Variants in DAB1 observed in about 807,000 individuals in gnomAD.
DAB1 encodes disabled homolog 1.
Under a neutral mutation model 64.6 loss-of-function variants are expected in DAB1, and 15 were observed. That is an observed-to-expected ratio of 0.23 (90% CI 0.16 to 0.36). DAB1 has a LOEUF of 0.36. Among genes scored for constraint, DAB1 ranks in the 10% least tolerant of loss-of-function variants. The pLI is 1.00. For missense variants in DAB1, 596 were observed against 706.7 expected (o/e 0.84, Z 1.78); for synonymous variants, 235 against 251.9 (o/e 0.93, Z 0.64).
chr1:57,014,329 A>C (rs745397479), intron 12 of DAB1, among the ~76,000 whole-genome samples: 5 of 152,208 alleles, frequency 3.3e-5, no homozygotes, highest in Non-Finnish European at 7.3e-5. Context: ...TATAAAAGCT[A>C]TTTAAGACCT....
chr1:57,662,297 G>T (rs1646396386), intron 6 of DAB1, among the ~76,000 whole-genome samples: 1 of 152,194 alleles, frequency 6.6e-6, no homozygotes. Flanking sequence ...CCGGGTTCAA[G>T]TGATTCTCCT....
At chr1:58,219,884 T>C (rs559404572) in intron 4 of DAB1, among the ~76,000 whole-genome samples, 2 of 152,378 alleles carry the variant, frequency 1.3e-5, no homozygotes, top group African/African-American at 4.8e-5. Flanking sequence ...GCCAGGGCCA[T>C]GCCAGTGTCT....
At chr1:58,086,175 G>C (rs1370424046) in intron 5 of DAB1, among the ~76,000 whole-genome samples, 1 of 151,342 alleles carries the variant, frequency 6.6e-6, no homozygotes, top group Non-Finnish European at 1.5e-5. Flanking sequence ...GTTTTAGCCG[G>C]GATGGTCTCG....
chr1:57,523,940 GA>G (rs969610627), intron 7 of DAB1, among the ~76,000 whole-genome samples: 21 of 151,630 alleles, frequency 1.4e-4, no homozygotes, highest in Non-Finnish European at 4.4e-5. Context: ...AAAAGAAAAA[GA>G]AACAAAAAAG....
At chr1:58,007,489 T>C (rs1222599842) in intron 5 of DAB1, among the ~76,000 whole-genome samples, 1 of 152,216 alleles carries the variant, frequency 6.6e-6, no homozygotes, top group Non-Finnish European at 1.5e-5. Context: ...CAATAGAATT[T>C]GTTTAAGTTC....
intron 7 of DAB1, among the ~76,000 whole-genome samples, chr1:57,467,191 A>T (rs1472823943): frequency 6.6e-6 from 1 of 152,214 alleles, no homozygotes; most frequent in Non-Finnish European, 1.5e-5. Flanking sequence ...CAGAATCTCT[A>T]GAGTGGGTCC....
chr1:57,691,219 C>A (rs1375839228), intron 6 of DAB1, among the ~76,000 whole-genome samples: 2 of 152,088 alleles, frequency 1.3e-5, no homozygotes, highest in African/African-American at 2.4e-5. Context: ...AGGCACCAAC[C>A]AGCACTCTGT....
At chr1:57,096,140 C>T (rs778380961) in intron 4 of DAB1, among the ~76,000 whole-genome samples, 5 of 152,212 alleles carry the variant, frequency 3.3e-5, no homozygotes, top group Middle Eastern at 3.4e-3. Flanking sequence ...GAAATCGAAG[C>T]TGAGAGGGGT....
chr1:58,251,651 G>A (rs116359647), intron 4 of DAB1, among the ~76,000 whole-genome samples: 2,243 of 152,328 alleles, frequency 0.015, 59 homozygotes, highest in African/African-American at 0.052. Flanking sequence ...AGAGTGATGA[G>A]TTGGTGACAC....
chr1:57,785,543 T>C (rs1650299669), intron 6 of DAB1, among the ~76,000 whole-genome samples: 1 of 152,136 alleles, frequency 6.6e-6, no homozygotes, highest in African/African-American at 2.4e-5. Flanking sequence ...CCAGCCTTCA[T>C]GGATGACTTT....
chr1:58,214,764 G>A (rs575342465), intron 4 of DAB1, among the ~76,000 whole-genome samples: 52 of 152,282 alleles, frequency 3.4e-4, no homozygotes, highest in African/African-American at 1.2e-3. Context: ...GATTATGTCT[G>A]ATGTTGGATC....
At chr1:57,445,780 G>A (rs183965886) in intron 7 of DAB1, among the ~76,000 whole-genome samples, 15 of 152,104 alleles carry the variant, frequency 9.9e-5, no homozygotes, top group Admixed American at 5.2e-4. Context: ...ATATTAAAAC[G>A]CATAGAATAA....
At chr1:58,217,539 T>G (rs921559556) in intron 4 of DAB1, among the ~76,000 whole-genome samples, 1 of 152,226 alleles carries the variant, frequency 6.6e-6, no homozygotes, top group African/African-American at 2.4e-5. Context: ...ACACAGTTAT[T>G]TGCTTCCTCG....
intron 4 of DAB1, among the ~76,000 whole-genome samples, chr1:57,126,833 T>C (rs1461059429): frequency 6.6e-6 from 1 of 152,152 alleles, no homozygotes; most frequent in Non-Finnish European, 1.5e-5. Context: ...CTCCTCTCCA[T>C]CACCCTGTCC....
chr1:57,654,080 C>T (rs969361989), intron 6 of DAB1, among the ~76,000 whole-genome samples: 14 of 152,184 alleles, frequency 9.2e-5, no homozygotes, highest in Admixed American at 7.9e-4. Context: ...TGCTAAAATA[C>T]AATAGTGAGA....
intron 4 of DAB1, among the ~76,000 whole-genome samples, chr1:57,075,670 T>A (rs541684709): frequency 6.0e-4 from 91 of 152,332 alleles, no homozygotes; most frequent in Non-Finnish European, 1.1e-3. Flanking sequence ...GTAGAATTTA[T>A]CAGCACAATC....
chr1:58,545,919 C>T (rs1318804604), intron 1 of DAB1, among the ~76,000 whole-genome samples: 1 of 152,218 alleles, frequency 6.6e-6, no homozygotes. Flanking sequence ...TGTCAGACTA[C>T]ACCCCTTCAC....
intron 2 of DAB1, among the ~76,000 whole-genome samples, chr1:57,147,765 A>T (rs1021579936): frequency 6.6e-6 from 1 of 152,200 alleles, no homozygotes; most frequent in African/African-American, 2.4e-5. Flanking sequence ...CACAAAGCAT[A>T]TTATATGCAT....
At chr1:57,782,345 C>T (rs1055201301) in intron 6 of DAB1, among the ~76,000 whole-genome samples, 2 of 152,260 alleles carry the variant, frequency 1.3e-5, no homozygotes, top group East Asian at 3.9e-4. Context: ...GTCAAAGACA[C>T]ACAGTTTTTT....
Sources: gnomAD v4.1 joint callset for allele counts (sites outside exome capture counted in the v4.1 genomes callset) on GRCh38, gnomAD v4.1.1 for gene constraint, MANE v1.5 for transcripts, NCBI Gene and HGNC (gene_info 2026-07-23, HGNC 2026-07-21) for gene names.